Variants in TRIP12 observed in about 807,000 individuals in gnomAD.
TRIP12 encodes the protein thyroid hormone receptor interactor 12.
In TRIP12, 25 loss-of-function variants were observed where a neutral mutation model predicts 244.2. That is an observed-to-expected ratio of 0.10 (90% CI 0.07 to 0.14). The LOEUF (loss-of-function observed/expected upper bound fraction) is 0.14. Among genes scored for constraint, TRIP12 ranks in the 10% least tolerant of loss-of-function variants. The pLI, the probability that TRIP12 is intolerant of heterozygous loss-of-function variation, is 1.00. For missense variants in TRIP12, 1,677 were observed against 2,486.4 expected (o/e 0.67, Z 6.92); for synonymous variants, 905 against 873.1 (o/e 1.04, Z -0.64).
chr2:229,866,752 A>G (rs552032075), intron 2 of TRIP12, among the ~76,000 whole-genome samples: 11 of 152,182 alleles, frequency 7.2e-5, no homozygotes, highest in Non-Finnish European at 1.5e-4. Context: ...AAACAAAGTA[A>G]TCTACCAGGT....
At chr2:229,805,057 C>T (rs1424613589) in intron 18 of TRIP12, among the ~76,000 whole-genome samples, 1 of 152,144 alleles carries the variant, frequency 6.6e-6, no homozygotes. Flanking sequence ...AGGCGCCCAC[C>T]ACCACGCTCG....
intron 1 of TRIP12, among the ~76,000 whole-genome samples, chr2:229,910,006 G>A: frequency 6.6e-6 from 1 of 152,178 alleles, no homozygotes; most frequent in East Asian, 1.9e-4. Context: ...ACACCTTTAA[G>A]AGCTAAATGC....
chr2:229,858,866 T>G lies in TRIP12; in HGVS notation c.933A>C (p.Lys311Asn). Reference sequence around the variant, plus strand: ...ACAGTTTTGTTTTAGGAAGGCTAACTTTAGGGCTGAAACGAGCAGCCCAAT... The same window carrying G: ...ACAGTTTTGTTTTAGGAAGGCTAACGTTAGGGCTGAAACGAGCAGCCCAAT... The part of the protein sequence containing the change: ...KFDWAARFSP[K>N]VSLPKTKLSL... Residue 311 changes from lysine to asparagine, a missense_variant, in exon 4 of 42, where the codon AAA (lysine) becomes AAC (asparagine). By Grantham distance (94) the Lys-to-Asn change is moderately conservative. Transcript: ENST00000675903. 6.2e-7 allele frequency: 1 copy of G among 1,614,214 alleles called. No homozygotes were observed. Among genetic ancestry groups the G allele is most frequent in the Non-Finnish European group, 8.5e-7 (1 of 1,180,016 alleles).
At chr2:229,878,513 T>A (rs2064098959) in intron 2 of TRIP12, among the ~76,000 whole-genome samples, 1 of 151,926 alleles carries the variant, frequency 6.6e-6, no homozygotes, top group African/African-American at 2.4e-5. Context: ...AAAGTCCCTA[T>A]GCTTAACCAC....
Position 229,764,877 on chromosome 2 carries a change from G to T in TRIP12, c.*2677C>A, listed in dbSNP as rs2031314891. ...CTTTCTTTATATCCTGCTAGTGAAA[G>T]TTCTGTCACTACAAATGCAGGGAAC... is the stretch of plus-strand genomic sequence containing the variant. On this transcript the variant is annotated 3_prime_UTR_variant, in exon 42 of 42. Transcript: ENST00000675903. The T allele has an allele frequency of 6.6e-6, 1 of 152,196 alleles. No homozygotes were observed. The highest frequency in any genetic ancestry group is 1.5e-5 in the Non-Finnish European group (1 of 68,040). The allele number at this position is 152,196 out of a possible 1,614,324, so 9.4% of individuals were successfully genotyped here.
At chr2:229,779,357 C>T (rs1171784443) in intron 34 of TRIP12, among the ~76,000 whole-genome samples, 1 of 152,196 alleles carries the variant, frequency 6.6e-6, no homozygotes, top group Admixed American at 6.5e-5. Flanking sequence ...GCTCAAATGT[C>T]ACCCTCTCAA....
intron 25 of TRIP12, among the ~76,000 whole-genome samples, 186 bp downstream of exon 25, chr2:229,796,405 C>A (rs1357345222): frequency 6.6e-6 from 1 of 152,054 alleles, no homozygotes; most frequent in African/African-American, 2.4e-5. Context: ...TTGTTAAATC[C>A]CCATTTCATT....
intron 2 of TRIP12, among the ~76,000 whole-genome samples, chr2:229,863,355 T>C (rs1358294021): frequency 6.6e-6 from 1 of 152,086 alleles, no homozygotes; most frequent in Non-Finnish European, 1.5e-5. Context: ...ATATAAAATA[T>C]TGATACTTAA....
In TRIP12 at chr2:229,815,455, G is replaced by A. The variant is rs1304909656; in HGVS notation, c.1600-147C>T. 9 of 559,212 alleles carry A rather than the reference G, an allele frequency of 1.6e-5. No homozygotes were observed. In the East Asian group the frequency reaches 2.8e-4, roughly 18 times the overall value. The allele number at this position is 559,212 out of a possible 1,614,324, so 34.6% of individuals were successfully genotyped here. A position where few individuals can be genotyped will look rare whatever the true frequency, so the allele number is the denominator to read the frequency against. On this transcript the variant is annotated intron_variant, in intron 9 of 41. Transcript: ENST00000675903. ...AAAAATAACTTTAAGATAAAACCTA[G>A]TAGGCGTTCACAGAAATGATTACAC...
At chr2:229,798,819 T>A in intron 23 of TRIP12, 56 bp downstream of exon 23, 1 of 1,577,826 alleles carries the variant, frequency 6.3e-7, no homozygotes, top group Non-Finnish European at 8.7e-7. Context: ...GCTGAAATAA[T>A]GTTTAAGTTT....
intron 1 of TRIP12, among the ~76,000 whole-genome samples, chr2:229,913,905 A>C (rs1162041635): frequency 6.6e-6 from 1 of 152,220 alleles, no homozygotes; most frequent in Non-Finnish European, 1.5e-5. Flanking sequence ...CAGAAGGAGA[A>C]TAGGAGAGTA....
chr2:229,768,487 T>C (rs931078173), intron 41 of TRIP12, 129 bp downstream of exon 41: 10 of 781,022 alleles, frequency 1.3e-5, no homozygotes, highest in Non-Finnish European at 1.9e-5. Context: ...CAATGTACTA[T>C]AATGATACTG....
Position 229,796,221 on chromosome 2 carries a change from C to T in TRIP12, c.3816+370G>A, listed in dbSNP as rs188849237. Among the ~76,000 whole-genome samples, 13 of 152,344 alleles carry T rather than the reference C, an allele frequency of 8.5e-5. No homozygotes were observed. The East Asian group carries it at 2.5e-3, about 29-fold the overall frequency. ...TACAAAACAAGAAAATATAACTCCT[C>T]TATCTTATTATAGATGTCTGTTTCA... On this transcript the variant is annotated intron_variant, in intron 25 of 41. Transcript: ENST00000675903.
intron 1 of TRIP12, among the ~76,000 whole-genome samples, chr2:229,915,039 G>A (rs961704250): frequency 6.6e-6 from 1 of 152,158 alleles, no homozygotes; most frequent in South Asian, 2.1e-4. Flanking sequence ...TATCACGTGA[G>A]GTCAGGAGTT....
At chr2:229,816,378 T>TA (rs1365495619) in intron 9 of TRIP12, among the ~76,000 whole-genome samples, 1 of 151,776 alleles carries the variant, frequency 6.6e-6, no homozygotes, top group Non-Finnish European at 1.5e-5. Context: ...TTAAAACACT[T>TA]AGTCTAATTT....
Position 229,893,387 on chromosome 2 carries a change from C to A in TRIP12, c.-49-13259G>T, listed in dbSNP as rs528782010. On this transcript the variant is annotated intron_variant, in intron 1 of 41. Transcript: ENST00000675903. Reference sequence around the variant, plus strand: ...TGACAAACACACACACCTATGTAACCCAAATCCTTACCAGGATATACAGTC... The same window carrying A: ...TGACAAACACACACACCTATGTAACACAAATCCTTACCAGGATATACAGTC... 1.7e-4 allele frequency among the ~76,000 whole-genome samples: 26 copies of A among 152,308 alleles called. 1 individual carries two copies. In the South Asian group the frequency reaches 5.4e-3, roughly 32 times the overall value.
intron 39 of TRIP12, among the ~76,000 whole-genome samples, chr2:229,770,398 G>A (rs2033798959): frequency 6.6e-6 from 1 of 152,156 alleles, no homozygotes; most frequent in Admixed American, 6.5e-5. Flanking sequence ...CAGGTGACAA[G>A]CAGTGCCTAC....
intron 1 of TRIP12, among the ~76,000 whole-genome samples, chr2:229,911,220 A>G (rs1332966322): frequency 6.6e-6 from 1 of 152,212 alleles, no homozygotes; most frequent in Non-Finnish European, 1.5e-5. Flanking sequence ...TACTCTACAA[A>G]CAGGTACAAT....
At chr2:229,886,409 G>A (rs998843531) in intron 1 of TRIP12, among the ~76,000 whole-genome samples, 6 of 152,074 alleles carry the variant, frequency 3.9e-5, no homozygotes, top group African/African-American at 1.4e-4. Flanking sequence ...TGCAATTTAT[G>A]GGCATCAAAA....
Sources: allele counts gnomAD v4.1 joint callset (sites outside exome capture counted in the v4.1 genomes callset), GRCh38; gene constraint gnomAD v4.1.1; transcripts MANE v1.5; gene names NCBI Gene and HGNC (gene_info 2026-07-23, HGNC 2026-07-21).